The following ARHGEF4 variants were observed in gnomAD, a reference collection of about 807,000 sequenced individuals.
The protein encoded by ARHGEF4 is Rho guanine nucleotide exchange factor 4.
In ARHGEF4, 119 loss-of-function variants were observed where a neutral mutation model predicts 162.0. The ratio of observed to expected loss-of-function variants is 0.73; its 90% CI spans 0.63 to 0.86. The LOEUF (loss-of-function observed/expected upper bound fraction) is 0.86, where lower values mean the gene tolerates loss of function less well. ARHGEF4 is among the 40% of genes least tolerant of loss of function. ARHGEF4 has a pLI of 0.00. For missense variants in ARHGEF4, 2,488 were observed against 2,456.0 expected (o/e 1.01, Z -0.28); for synonymous variants, 1,014 against 979.9 (o/e 1.03, Z -0.65).
chr2:130,992,549 G>A (rs1687098031), intron 4 of ARHGEF4, among the ~76,000 whole-genome samples: 1 of 151,898 alleles, frequency 6.6e-6, no homozygotes, highest in South Asian at 2.1e-4. Flanking sequence ...AACCGGGCGG[G>A]AACACCAGAA....
Position 131,028,002 on chromosome 2 carries a change from A to C in ARHGEF4, c.4043A>C (p.Glu1348Ala), listed in dbSNP as rs377111735. ...TGCGCTGACGAAGTGGGGAGCGAGG[A>C]GGACCTGTATGATGACCTGCACAGC... ...AVCADEVGSEEDLYDDLHSSS... is the reference protein window; with the variant it reads ...AVCADEVGSEADLYDDLHSSS... Residue 1348 changes from glutamate (E) to alanine (A), a missense_variant, in exon 5 of 14, where the codon GAG becomes GCG. Transcript: ENST00000409359. 1.9e-6 allele frequency: 3 copies of C among 1,613,976 alleles called. No individual in the cohort carries two copies. The African/African-American group carries it at 4.0e-5, about 22-fold the overall frequency.
chr2:131,021,326 C>T (rs1689117322), intron 4 of ARHGEF4, among the ~76,000 whole-genome samples: 1 of 152,044 alleles, frequency 6.6e-6, no homozygotes, highest in Non-Finnish European at 1.5e-5. Flanking sequence ...AATAATGCCC[C>T]ATATCTACAA....
intron 6 of ARHGEF4, 48 bp downstream of exon 6, chr2:131,039,080 T>TA: frequency 1.9e-6 from 3 of 1,541,422 alleles, no homozygotes; most frequent in Admixed American, 3.9e-5. Context: ...CATAAAAAGC[T>TA]ACCTGGTTCT....
chr2:131,014,794 T>TA (rs1688674243), intron 4 of ARHGEF4, among the ~76,000 whole-genome samples: 1 of 152,206 alleles, frequency 6.6e-6, no homozygotes. Flanking sequence ...AGGCTCCTCT[T>TA]ACCTTCAGTG....
intron 4 of ARHGEF4, among the ~76,000 whole-genome samples, chr2:131,010,201 T>A (rs1688355772): frequency 6.6e-6 from 1 of 152,182 alleles, no homozygotes; most frequent in African/African-American, 2.4e-5. Flanking sequence ...AAGATCACCT[T>A]AAAATCTTTG....
intron 2 of ARHGEF4, among the ~76,000 whole-genome samples, chr2:130,925,272 C>T (rs1682172392): frequency 6.6e-6 from 1 of 151,888 alleles, no homozygotes; most frequent in African/African-American, 2.4e-5. Context: ...CCATGTAGTA[C>T]TGGGGGAGGG....
intron 4 of ARHGEF4, among the ~76,000 whole-genome samples, chr2:130,990,436 A>G (rs2105279825): frequency 6.6e-6 from 1 of 152,340 alleles, no homozygotes; most frequent in South Asian, 2.1e-4. Flanking sequence ...GGTGAGTTTT[A>G]GAACCCTAGA....
chr2:130,994,945 C>T (rs1386971121), intron 4 of ARHGEF4, among the ~76,000 whole-genome samples: 2 of 152,218 alleles, frequency 1.3e-5, no homozygotes, highest in African/African-American at 2.4e-5. Flanking sequence ...GACTCCTCCT[C>T]GGACTCCACA....
At chr2:130,876,582 C>T (rs146707772) in intron 1 of ARHGEF4, among the ~76,000 whole-genome samples, 3,985 of 152,138 alleles carry the variant, frequency 0.026, 106 homozygotes, top group East Asian at 0.11. Flanking sequence ...TTAGTAGAGA[C>T]GGGGTTTCAC....
At chr2:130,896,021 G>A (rs1217600528) in intron 1 of ARHGEF4, among the ~76,000 whole-genome samples, 2 of 152,192 alleles carry the variant, frequency 1.3e-5, no homozygotes, top group East Asian at 3.9e-4. Context: ...TGGGGGTTTT[G>A]GGGATTTGGT....
At chr2:130,970,956 C>T (rs1367659903) in intron 4 of ARHGEF4, among the ~76,000 whole-genome samples, 1 of 152,114 alleles carries the variant, frequency 6.6e-6, no homozygotes, top group African/African-American at 2.4e-5. Context: ...ATAAAACATA[C>T]TTTTGGTGTA....
chr2:131,023,074 CAAA>C (rs56868632), intron 4 of ARHGEF4, among the ~76,000 whole-genome samples: 11 of 66,640 alleles, frequency 1.7e-4, no homozygotes, highest in South Asian at 6.1e-4. Context: ...AACCCTGTCT[CAAA>C]AAAAAAAAAA....
rs1034624557 is a variant in ARHGEF4, at chr2:130,914,072, G to A, written c.126G>A (p.Gln42=). 1.3e-6 allele frequency: 2 copies of A among 1,536,178 alleles called. No homozygotes were observed. Among genetic ancestry groups the A allele is most frequent in the Non-Finnish European group, 1.7e-6 (2 of 1,146,928 alleles). ...CATCCCCTGCAGAACAAGTGGAGCA[G>A]GGATGGAACCAGCAAACAGACCGCG... ...LPTSPAEQVE[Q]GWNQQTDRDD... The change falls in exon 2 of 14, where the codon CAG becomes CAA. Residue 42 remains glutamine (Q), a synonymous_variant. Transcript: ENST00000409359.
chr2:130,889,241 A>G (rs1679712500), intron 1 of ARHGEF4, among the ~76,000 whole-genome samples: 1 of 152,098 alleles, frequency 6.6e-6, no homozygotes, highest in Admixed American at 6.5e-5. Context: ...GGGTAATATA[A>G]TGATCTCAGA....
intron 5 of ARHGEF4, among the ~76,000 whole-genome samples, chr2:131,037,863 T>A (rs1389055562): frequency 6.6e-6 from 1 of 152,100 alleles, no homozygotes; most frequent in Non-Finnish European, 1.5e-5. Flanking sequence ...TAACACTGCA[T>A]AAGAGCAGTC....
intron 1 of ARHGEF4, among the ~76,000 whole-genome samples, chr2:130,867,083 A>G (rs1202955550): frequency 6.6e-6 from 1 of 152,152 alleles, no homozygotes; most frequent in African/African-American, 2.4e-5. Context: ...TCCTTTGTGA[A>G]TAGGTACCAG....
chr2:131,014,864 G>A (rs1394380010), intron 4 of ARHGEF4, among the ~76,000 whole-genome samples: 1 of 152,112 alleles, frequency 6.6e-6, no homozygotes, highest in Non-Finnish European at 1.5e-5. Context: ...GGGCAGCAAG[G>A]GGGTCCTCCT....
intron 4 of ARHGEF4, chr2:131,011,586 A>T (rs1688453153): frequency 1.3e-6 from 2 of 1,508,412 alleles, no homozygotes; most frequent in Non-Finnish European, 1.8e-6. Flanking sequence ...ACAGCATTTC[A>T]TGCTATTAAT....
At chr2:131,001,169 A>G (rs1687732505) in intron 4 of ARHGEF4, among the ~76,000 whole-genome samples, 2 of 151,718 alleles carry the variant, frequency 1.3e-5, no homozygotes, top group Non-Finnish European at 2.9e-5. Flanking sequence ...CGGGCGTGGC[A>G]GTGCATGCCT....
Sources: allele counts gnomAD v4.1 joint callset (sites outside exome capture counted in the v4.1 genomes callset), GRCh38; gene constraint gnomAD v4.1.1; transcripts MANE v1.5; gene names NCBI Gene and HGNC (gene_info 2026-07-23, HGNC 2026-07-21).